Variants in SCRG1 observed in about 807,000 individuals in gnomAD.
The protein encoded by SCRG1 is stimulator of chondrogenesis 1.
Under a neutral mutation model 7.7 loss-of-function variants are expected in SCRG1, and 3 were observed. That is an observed-to-expected ratio of 0.39 (90% CI 0.18 to 1.01). SCRG1 has a LOEUF of 1.01. Among genes scored for constraint, SCRG1 ranks in the 50% least tolerant of loss-of-function variants. The probability of loss-of-function intolerance (pLI) is 0.36; values close to 1 mark genes in which losing one functional copy is unlikely to be tolerated. For synonymous variants in SCRG1, 46 were observed against 41.2 expected (o/e 1.12, Z -0.44); for missense variants, 110 against 117.2 (o/e 0.94, Z 0.28).
At chr4:173,482,324 G>T in the SCRG1 span, among the ~76,000 whole-genome samples, 1 of 152,084 alleles carries the variant, frequency 6.6e-6, no homozygotes, top group Non-Finnish European at 1.5e-5. Context: ...TCTTAACTTG[G>T]GTTGGAAGGA....
chr4:173,518,808 C>T, the SCRG1 span, among the ~76,000 whole-genome samples: 2 of 152,184 alleles, frequency 1.3e-5, no homozygotes, highest in East Asian at 3.9e-4. Context: ...AGGAGCTGGG[C>T]CAAGGTATTC....
the SCRG1 span, chr4:173,419,800 C>T: frequency 6.1e-5 from 90 of 1,465,586 alleles, no homozygotes; most frequent in Admixed American, 1.5e-3. Context: ...CATTGCCAGT[C>T]ACCTCCACTT....
chr4:173,484,071 A>G, the SCRG1 span, among the ~76,000 whole-genome samples: 2 of 95,166 alleles, frequency 2.1e-5, no homozygotes, highest in African/African-American at 4.3e-5. Context: ...TATATAATAT[A>G]CATGATATAA....
chr4:173,449,207 T>C, the SCRG1 span, among the ~76,000 whole-genome samples: 1 of 152,200 alleles, frequency 6.6e-6, no homozygotes, highest in Non-Finnish European at 1.5e-5. Flanking sequence ...ATACAAGTTG[T>C]TGCAGGCATA....
the SCRG1 span, among the ~76,000 whole-genome samples, chr4:173,450,499 T>G: frequency 6.6e-6 from 1 of 152,182 alleles, no homozygotes; most frequent in Non-Finnish European, 1.5e-5. Context: ...CAGTGATTAG[T>G]TGAGAGCATG....
the SCRG1 span, among the ~76,000 whole-genome samples, chr4:173,445,968 AG>A: frequency 5.3e-5 from 8 of 152,114 alleles, no homozygotes; most frequent in Non-Finnish European, 1.2e-4. Context: ...CTGGCCTTTA[AG>A]GAGACTTTTA....
At chr4:173,417,216 A>C in the SCRG1 span, among the ~76,000 whole-genome samples, 10 of 152,170 alleles carry the variant, frequency 6.6e-5, no homozygotes, top group African/African-American at 9.7e-5. Flanking sequence ...CTGGTGTTAA[A>C]ACTAAACAGC....
chr4:173,500,472 TTGTG>T, the SCRG1 span, among the ~76,000 whole-genome samples: 1 of 150,120 alleles, frequency 6.7e-6, no homozygotes, highest in South Asian at 2.1e-4. Context: ...TTAGTAAATT[TTGTG>T]TGTGTGTGTG....
chr4:173,419,855 C>A, the SCRG1 span: 4 of 1,252,402 alleles, frequency 3.2e-6, no homozygotes, highest in East Asian at 4.7e-5. Context: ...GAGAAGCCTG[C>A]GGGCCAGCAG....
the SCRG1 span, among the ~76,000 whole-genome samples, chr4:173,491,298 C>T: frequency 3.3e-5 from 5 of 150,454 alleles, no homozygotes; most frequent in Non-Finnish European, 7.4e-5. Context: ...ATCTTTGCTC[C>T]GGGATCTGGG....
the SCRG1 span, among the ~76,000 whole-genome samples, chr4:173,515,452 G>T: frequency 4.1e-4 from 62 of 152,246 alleles, no homozygotes; most frequent in Admixed American, 1.6e-3. This position sits in a 1 kb window ranked among gnomAD's most constrained non-coding sequence, Gnocchi z 4.6. Flanking sequence ...TTCAGGCCTG[G>T]CCTGGAGTGG....
At chr4:173,445,049 T>C in the SCRG1 span, among the ~76,000 whole-genome samples, 1 of 152,142 alleles carries the variant, frequency 6.6e-6, no homozygotes, top group African/African-American at 2.4e-5. Context: ...CAAAGTAATA[T>C]GCTTTGAATT....
upstream of SCRG1, chr4:173,399,507 T>TGTTTGTGTGTGA (rs1560833546): frequency 1.4e-5 from 1 of 73,448 alleles, no homozygotes; most frequent in Non-Finnish European, 3.0e-5. Flanking sequence ...TGTCTGTGTG[T>TGTTTGTGTGTGA]GAGAGAGAGA....
the SCRG1 span, among the ~76,000 whole-genome samples, chr4:173,447,024 T>G: frequency 6.6e-6 from 1 of 152,256 alleles, no homozygotes; most frequent in Admixed American, 6.5e-5. Context: ...AAAATTTTTA[T>G]CTGCCACTGT....
At chr4:173,422,968 A>C in the SCRG1 span, among the ~76,000 whole-genome samples, 5 of 152,314 alleles carry the variant, frequency 3.3e-5, no homozygotes, top group South Asian at 2.1e-4. Flanking sequence ...TTTTATAAAA[A>C]GCAGTCTCCA....
the SCRG1 span, among the ~76,000 whole-genome samples, chr4:173,442,721 C>A: frequency 6.6e-6 from 1 of 152,306 alleles, no homozygotes; most frequent in East Asian, 1.9e-4. Context: ...TGGTGAGGGC[C>A]TTCTTGCTGT....
the SCRG1 span, among the ~76,000 whole-genome samples, chr4:173,484,100 T>TAA: frequency 2.6e-5 from 1 of 38,200 alleles, no homozygotes; most frequent in African/African-American, 7.9e-5. Flanking sequence ...ATACCATATA[T>TAA]AATATATAAT....
chr4:173,483,284 G>GATATT, the SCRG1 span, among the ~76,000 whole-genome samples: 1 of 32,194 alleles, frequency 3.1e-5, no homozygotes, highest in East Asian at 9.9e-4. Context: ...TATAATATAT[G>GATATT]ATATATCATA....
chr4:173,415,818 T>C, the SCRG1 span, among the ~76,000 whole-genome samples: 8 of 152,356 alleles, frequency 5.3e-5, no homozygotes, highest in Admixed American at 4.6e-4. Flanking sequence ...AAACCAGGCC[T>C]ATCTGCCTCC....
Sources: allele counts gnomAD v4.1 joint callset (sites outside exome capture counted in the v4.1 genomes callset), GRCh38; gene constraint gnomAD v4.1.1; non-coding constraint Gnocchi (gnomAD v3.1); transcripts MANE v1.5; gene names NCBI Gene and HGNC (gene_info 2026-07-23, HGNC 2026-07-21).